The following EPHA3 variants were observed in gnomAD, a reference collection of about 807,000 sequenced individuals.
EPHA3 encodes the protein ephrin type-A receptor 3.
Under a neutral mutation model 107.1 loss-of-function variants are expected in EPHA3, and 42 were observed. The ratio of observed to expected loss-of-function variants is 0.39; its 90% CI spans 0.31 to 0.51. EPHA3 has a LOEUF of 0.51. Among genes scored for constraint, EPHA3 ranks in the 20% least tolerant of loss-of-function variants. EPHA3 has a pLI of 0.78. For synonymous variants in EPHA3, 461 were observed against 424.8 expected (o/e 1.09, Z -1.05); for missense variants, 1,183 against 1,211.2 (o/e 0.98, Z 0.35).
chr3:89,113,485 CA>C (rs753848304), intron 1 of EPHA3, among the ~76,000 whole-genome samples: 151 of 31,028 alleles, frequency 4.9e-3, no homozygotes, highest in African/African-American at 0.013. Flanking sequence ...TTCCTTTGTA[CA>C]AAAAAAAAAA....
chr3:89,307,306 A>G lies in EPHA3; in HGVS notation c.815-33610A>G, dbSNP rs75927143. Among the ~76,000 whole-genome samples, 92 of 152,328 alleles carry G rather than the reference A, an allele frequency of 6.0e-4. No individual in the cohort carries two copies. In the East Asian group the frequency reaches 0.017, roughly 28 times the overall value. ...GAAGCCTTAAGATTTTCAAGCGCAGAGTCTTGGCTAAAAGGATTGAGTTGC... is the reference window on the plus strand; with the variant it reads ...GAAGCCTTAAGATTTTCAAGCGCAGGGTCTTGGCTAAAAGGATTGAGTTGC... On this transcript the variant is annotated intron_variant, in intron 3 of 16. Transcript: ENST00000336596.
At chr3:89,306,705 G>T (rs974997173) in intron 3 of EPHA3, among the ~76,000 whole-genome samples, 27 of 152,242 alleles carry the variant, frequency 1.8e-4, no homozygotes, top group African/African-American at 5.8e-4. Context: ...TCCATTCATA[G>T]CAAATTGTGA....
At chr3:89,348,263 T>C (rs1478288597) in intron 5 of EPHA3, among the ~76,000 whole-genome samples, 85 of 137,728 alleles carry the variant, frequency 6.2e-4, no homozygotes, top group African/African-American at 2.3e-3. Flanking sequence ...TTTTGGTTGG[T>C]AAACTATTGA....
rs116119313 is a variant in EPHA3 at position 89,233,022 on chromosome 3, C to T, written c.814+22502C>T. On this transcript the variant is annotated intron_variant, in intron 3 of 16. Coordinates refer to ENST00000336596, the MANE Select transcript of EPHA3 (RefSeq NM_005233.6). ...CAAAAATAGTCAAGTTGAGGCTTTA[C>T]TAAAATATGGTAATTTTATTTCAGT... Among the ~76,000 whole-genome samples, 137 of 152,180 alleles carry T rather than the reference C, an allele frequency of 9.0e-4. 1 individual carries two copies. The highest frequency in any genetic ancestry group is 3.0e-3 in the African/African-American group (123 of 41,512).
intron 2 of EPHA3, among the ~76,000 whole-genome samples, chr3:89,134,115 C>T (rs1461743243): frequency 6.6e-6 from 1 of 151,740 alleles, no homozygotes; most frequent in Non-Finnish European, 1.5e-5. Context: ...GCCGAACAAC[C>T]GCAGAATGGT....
chr3:89,186,158 C>T (rs1354113977), intron 2 of EPHA3, among the ~76,000 whole-genome samples: 1 of 151,784 alleles, frequency 6.6e-6, no homozygotes. Flanking sequence ...TCATAATTGG[C>T]AGTTAGTGAG....
chr3:89,280,931 C>G (rs1434305146), intron 3 of EPHA3, among the ~76,000 whole-genome samples: 1 of 152,028 alleles, frequency 6.6e-6, no homozygotes, highest in Non-Finnish European at 1.5e-5. Context: ...TATAATAATA[C>G]TAGGTATTAT....
chr3:89,413,118 C>A, intron 9 of EPHA3, 23 bp from the exon 10 acceptor site: 1 of 1,609,528 alleles, frequency 6.2e-7, no homozygotes, highest in Non-Finnish European at 8.5e-7. Context: ...TACAATTGCG[C>A]CTTTCTTTCT....
intron 3 of EPHA3, among the ~76,000 whole-genome samples, chr3:89,295,324 G>A (rs1422648652): frequency 6.6e-6 from 1 of 152,118 alleles, no homozygotes; most frequent in Non-Finnish European, 1.5e-5. Context: ...TGTTCGTGGA[G>A]GATCTTGCCT....
intron 2 of EPHA3, among the ~76,000 whole-genome samples, chr3:89,153,204 A>G (rs1704724837): frequency 6.6e-6 from 1 of 152,106 alleles, no homozygotes; most frequent in Non-Finnish European, 1.5e-5. Flanking sequence ...TTTCAGCTTC[A>G]TCTTGAAGCA....
intron 2 of EPHA3, among the ~76,000 whole-genome samples, chr3:89,186,790 A>C (rs1301712529): frequency 6.6e-6 from 1 of 152,130 alleles, no homozygotes; most frequent in Non-Finnish European, 1.5e-5. Flanking sequence ...TGGGAATTCT[A>C]TAGGAAATTC....
At chr3:89,407,456 C>T (rs1709077567) in intron 8 of EPHA3, 85 bp downstream of exon 8, 1 of 1,069,950 alleles carries the variant, frequency 9.3e-7, no homozygotes, top group Non-Finnish European at 1.4e-6. Context: ...GAAGAGTGTG[C>T]TCAATAAAAT....
At chr3:89,302,634 C>T (rs574151867) in intron 3 of EPHA3, among the ~76,000 whole-genome samples, 78 of 151,982 alleles carry the variant, frequency 5.1e-4, no homozygotes, top group African/African-American at 1.7e-3. Context: ...TTTCTAATAC[C>T]CTTCTCTCCA....
At chr3:89,183,522 C>T (rs1705491265) in intron 2 of EPHA3, among the ~76,000 whole-genome samples, 2 of 151,882 alleles carry the variant, frequency 1.3e-5, no homozygotes, top group Admixed American at 1.3e-4. Context: ...TTTGCCTCAC[C>T]TTCCTCTCTA....
chr3:89,388,232 G>T (rs1708661099), intron 5 of EPHA3, among the ~76,000 whole-genome samples: 1 of 152,066 alleles, frequency 6.6e-6, no homozygotes, highest in South Asian at 2.1e-4. Flanking sequence ...AAAATATGCT[G>T]TATACTTTAT....
intron 2 of EPHA3, among the ~76,000 whole-genome samples, chr3:89,191,137 T>C (rs1705704732): frequency 6.6e-6 from 1 of 152,154 alleles, no homozygotes; most frequent in Non-Finnish European, 1.5e-5. Context: ...GATATTATGC[T>C]AGCTTAGAAG....
chr3:89,280,241 G>A (rs1332058607), intron 3 of EPHA3, among the ~76,000 whole-genome samples: 1 of 152,156 alleles, frequency 6.6e-6, no homozygotes, highest in Non-Finnish European at 1.5e-5. Flanking sequence ...AGAAAATACT[G>A]ATATTTTGAG....
chr3:89,333,113 T>G (rs1707323627), intron 3 of EPHA3, among the ~76,000 whole-genome samples: 1 of 152,200 alleles, frequency 6.6e-6, no homozygotes, highest in Admixed American at 6.5e-5. Context: ...TGTTTTGTGC[T>G]TTGGGAATGA....
intron 5 of EPHA3, among the ~76,000 whole-genome samples, chr3:89,391,068 G>A (rs1173730638): frequency 1.3e-5 from 2 of 152,124 alleles, no homozygotes; most frequent in South Asian, 2.1e-4. Context: ...TTAGAGGCAC[G>A]AGCCACTGCA....
Sources: gnomAD v4.1 joint callset for allele counts (sites outside exome capture counted in the v4.1 genomes callset) on GRCh38, gnomAD v4.1.1 for gene constraint, MANE v1.5 for transcripts, NCBI Gene and HGNC (gene_info 2026-07-23, HGNC 2026-07-21) for gene names.